CNTN4: variants seen among roughly 807,000 people sequenced by gnomAD.
The protein encoded by CNTN4 is contactin-4.
A neutral mutation model predicts 122.5 loss-of-function variants in CNTN4; 77 were observed. That is an observed-to-expected ratio of 0.63 (90% CI 0.52 to 0.76). The LOEUF (loss-of-function observed/expected upper bound fraction) is 0.76. Among genes scored for constraint, CNTN4 ranks in the 30% least tolerant of loss-of-function variants. The pLI is 0.00. For synonymous variants in CNTN4, 512 were observed against 447.0 expected, an observed-to-expected ratio of 1.15 and a Z score of -1.83; for missense variants, 1,256 against 1,259.1, an observed-to-expected ratio of 1.00 and a Z score of 0.04.
intron 13 of CNTN4, among the ~76,000 whole-genome samples, chr3:2,956,895 G>A (rs2094805233): frequency 6.6e-6 from 1 of 152,090 alleles, no homozygotes. Context: ...TACACTATTT[G>A]TCTTTCTGTG....
At chr3:2,556,072 G>A (rs1453009160) in intron 3 of CNTN4, among the ~76,000 whole-genome samples, 1 of 152,088 alleles carries the variant, frequency 6.6e-6, no homozygotes, top group Non-Finnish European at 1.5e-5. Flanking sequence ...ACATTAAACT[G>A]TCTTTCCATT....
intron 4 of CNTN4, among the ~76,000 whole-genome samples, chr3:2,596,585 G>GT (rs1374567095): frequency 6.7e-6 from 1 of 149,462 alleles, no homozygotes; most frequent in Admixed American, 6.7e-5. Flanking sequence ...TGCACATTTT[G>GT]TATTTTTTTT....
chr3:2,747,611 AAAAAC>A (rs904636419), intron 6 of CNTN4, among the ~76,000 whole-genome samples: 1 of 152,190 alleles, frequency 6.6e-6, no homozygotes, highest in African/African-American at 2.4e-5. Context: ...AACCAAAACA[AAAAAC>A]AAAACAAAAC....
chr3:2,620,721 T>C (rs1386509619), intron 4 of CNTN4, among the ~76,000 whole-genome samples: 1 of 152,138 alleles, frequency 6.6e-6, no homozygotes, highest in Non-Finnish European at 1.5e-5. Flanking sequence ...TAAATCGGAC[T>C]TTAGAAAATC....
chr3:2,275,887 T>C (rs192579104), intron 2 of CNTN4, among the ~76,000 whole-genome samples: 1,461 of 134,836 alleles, frequency 0.011, 14 homozygotes, highest in Middle Eastern at 0.041. Flanking sequence ...GCCACTGCAC[T>C]CCAGTCTAGG....
At chr3:2,377,776 T>TTTA (rs1279287213) in intron 3 of CNTN4, among the ~76,000 whole-genome samples, 2 of 138,974 alleles carry the variant, frequency 1.4e-5, no homozygotes, top group African/African-American at 6.2e-5. Context: ...TTTGTGATTA[T>TTTA]TTTTTTTTAA....
chr3:3,050,880 G>C (rs1701199735), intron 23 of CNTN4, among the ~76,000 whole-genome samples: 1 of 151,542 alleles, frequency 6.6e-6, no homozygotes, highest in Non-Finnish European at 1.5e-5. Flanking sequence ...CACATCTCAA[G>C]TTCTCATCTT....
intron 3 of CNTN4, among the ~76,000 whole-genome samples, chr3:2,393,851 C>G (rs1002609586): frequency 1.3e-5 from 2 of 151,928 alleles, no homozygotes; most frequent in Non-Finnish European, 2.9e-5. Flanking sequence ...TAGTAGGAAT[C>G]ACTATTGCTA....
chr3:2,794,297 C>G (rs1487260492), intron 6 of CNTN4, among the ~76,000 whole-genome samples: 1 of 152,110 alleles, frequency 6.6e-6, no homozygotes, highest in African/African-American at 2.4e-5. Context: ...TCAGGGTATG[C>G]TTAGGAAGGA....
intron 4 of CNTN4, among the ~76,000 whole-genome samples, chr3:2,572,743 G>C (rs894416626): frequency 6.6e-6 from 1 of 152,184 alleles, no homozygotes; most frequent in African/African-American, 2.4e-5. Flanking sequence ...AGCCAGCCCT[G>C]TACTGGGATC....
At chr3:2,954,396 TTC>T (rs1342766377) in intron 13 of CNTN4, among the ~76,000 whole-genome samples, 6 of 152,228 alleles carry the variant, frequency 3.9e-5, no homozygotes, top group Non-Finnish European at 7.4e-5. Context: ...TGTCTGGTCT[TTC>T]TCTCTTTTTC....
At position 2,760,640 on chromosome 3, in the gene CNTN4, T is replaced by C. The variant is rs183055722; in HGVS notation, c.358+14943T>C. 1.9e-3 allele frequency among the ~76,000 whole-genome samples: 291 copies of C among 152,318 alleles called. 3 individuals carry two copies. In the South Asian group the frequency reaches 0.02, roughly 10 times the overall value. The stretch of plus-strand genomic sequence containing the variant: ...GGCAGCTGTTAATAGTACCTTAAGA[T>C]CAAAGAAATATGATGCTCACATCGC... On this transcript the variant is annotated intron_variant, in intron 6 of 24. Coordinates refer to ENST00000418658, the MANE Select transcript of CNTN4 (RefSeq NM_175607.3).
At chr3:2,490,796 C>T (rs1575756572) in intron 3 of CNTN4, among the ~76,000 whole-genome samples, 1 of 152,182 alleles carries the variant, frequency 6.6e-6, no homozygotes, top group East Asian at 1.9e-4. Context: ...TTTATTTTCT[C>T]ATTCCCGTAT....
At chr3:2,948,234 C>T (rs772674014) in intron 13 of CNTN4, among the ~76,000 whole-genome samples, 3 of 152,184 alleles carry the variant, frequency 2.0e-5, no homozygotes, top group African/African-American at 4.8e-5. Context: ...TTGGCGGTAG[C>T]GTTCCCAGTT....
chr3:2,454,801 G>A lies in CNTN4; in HGVS notation c.-89+115568G>A, dbSNP rs562514645. ...CTCAGTAAGTATTTCATGATTGAAC[G>A]GCTGAATACCTGAATGTGTGAATAT... On this transcript the variant is annotated intron_variant, in intron 3 of 24. Coordinates refer to ENST00000418658, the MANE Select transcript of CNTN4 (RefSeq NM_175607.3). Among the ~76,000 whole-genome samples the A allele has an allele frequency of 5.3e-5, 8 of 152,026 alleles. No homozygotes were observed. In the South Asian group the frequency reaches 1.2e-3, roughly 24 times the overall value.
chr3:2,220,905 A>T (rs2039037347), intron 2 of CNTN4, among the ~76,000 whole-genome samples: 4 of 152,102 alleles, frequency 2.6e-5, no homozygotes, highest in African/African-American at 9.7e-5. Flanking sequence ...TAGTATCTTT[A>T]TCAGAAAAAA....
At chr3:2,168,711 T>A (rs550186658) in intron 2 of CNTN4, among the ~76,000 whole-genome samples, 1 of 152,242 alleles carries the variant, frequency 6.6e-6, no homozygotes, top group African/African-American at 2.4e-5. Context: ...TTCAAAAAAA[T>A]GAGTTCATAA....
At chr3:2,218,379 G>A (rs1575105549) in intron 2 of CNTN4, among the ~76,000 whole-genome samples, 1 of 151,918 alleles carries the variant, frequency 6.6e-6, no homozygotes, top group South Asian at 2.1e-4. Context: ...GTCTAGCTAG[G>A]CATGGTGGCA....
chr3:2,832,586 G>A (rs753212570), intron 7 of CNTN4, among the ~76,000 whole-genome samples: 11 of 152,194 alleles, frequency 7.2e-5, no homozygotes, highest in Non-Finnish European at 1.0e-4. Flanking sequence ...CAGAACAGCT[G>A]TATGTAAGTC....
Sources: gnomAD v4.1 joint callset for allele counts (sites outside exome capture counted in the v4.1 genomes callset) on GRCh38, gnomAD v4.1.1 for gene constraint, MANE v1.5 for transcripts, NCBI Gene and HGNC (gene_info 2026-07-23, HGNC 2026-07-21) for gene names.